The following CSMD2 variants were observed in gnomAD, a reference collection of about 807,000 sequenced individuals.
CSMD2 encodes the protein CUB and sushi domain-containing protein 2.
A neutral mutation model predicts 398.5 loss-of-function variants in CSMD2; 130 were observed. That is an observed-to-expected ratio of 0.33 (90% CI 0.28 to 0.38). The LOEUF (loss-of-function observed/expected upper bound fraction) is 0.38, where lower values mean the gene tolerates loss of function less well. CSMD2 is among the 10% of genes least tolerant of loss of function. The probability of loss-of-function intolerance (pLI) is 1.00; values close to 1 mark genes in which losing one functional copy is unlikely to be tolerated. For missense variants in CSMD2, 3,829 were observed against 4,764.9 expected (o/e 0.80, Z 5.78); for synonymous variants, 1,828 against 1,908.5 (o/e 0.96, Z 1.10).
At chr1:34,095,560 A>C (rs1351077481) in intron 1 of CSMD2, among the ~76,000 whole-genome samples, 1 of 152,098 alleles carries the variant, frequency 6.6e-6, no homozygotes, top group East Asian at 1.9e-4. Context: ...AGACGCAATA[A>C]AAAATGATAA....
At chr1:33,952,909 AGCCATATGTTTACT>A (rs1258514418) in intron 3 of CSMD2, among the ~76,000 whole-genome samples, 2 of 152,264 alleles carry the variant, frequency 1.3e-5, no homozygotes, top group East Asian at 3.8e-4. Flanking sequence ...TGAGATTGTC[AGCCATATGTTTACT>A]GAACTCACGT....
At chr1:33,659,685 C>T (rs565369413) in intron 26 of CSMD2, among the ~76,000 whole-genome samples, 49 of 152,246 alleles carry the variant, frequency 3.2e-4, no homozygotes, top group Admixed American at 1.0e-3. Context: ...AGGACATCAG[C>T]GGAAAAGTTT....
intron 2 of CSMD2, among the ~76,000 whole-genome samples, chr1:34,069,675 G>A (rs1249037736): frequency 6.6e-6 from 1 of 152,060 alleles, no homozygotes; most frequent in Non-Finnish European, 1.5e-5. Flanking sequence ...AGGCCATTAT[G>A]AGACACTCCC....
Position 34,163,061 on chromosome 1 carries a change from C to T in CSMD2, c.187+1850G>A, listed in dbSNP as rs888641864. 1.3e-5 allele frequency among the ~76,000 whole-genome samples: 2 copies of T among 152,202 alleles called. No homozygotes were observed. The highest frequency in any genetic ancestry group is 4.8e-5 in the African/African-American group (2 of 41,462). On this transcript the variant is annotated intron_variant, in intron 1 of 70. Transcript: ENST00000373381. The surrounding 1 kb of genome is among the most constrained non-coding windows in gnomAD (Gnocchi z 5.4). ...CAGCACCGCTGAGCGGTGCAAGCGC[C>T]GGTGAGTCGGCCTTTTTCTCTCCCC...
At chr1:34,005,437 G>C in intron 3 of CSMD2, among the ~76,000 whole-genome samples, 1 of 128,714 alleles carries the variant, frequency 7.8e-6, no homozygotes, top group East Asian at 2.0e-4. Flanking sequence ...GAACCAATCT[G>C]TGATTTATTT....
intron 9 of CSMD2, among the ~76,000 whole-genome samples, chr1:33,811,430 C>T (rs1466501503): frequency 6.6e-6 from 1 of 152,144 alleles, no homozygotes; most frequent in Non-Finnish European, 1.5e-5. Flanking sequence ...TTCAGGATAT[C>T]CTTGTCAAGG....
At chr1:33,882,215 A>C (rs1641283901) in intron 5 of CSMD2, 1 of 152,268 alleles carries the variant, frequency 6.6e-6, no homozygotes, top group African/African-American at 2.4e-5. Context: ...ACAGCTATGA[A>C]TGGAGAACTG....
chr1:34,117,931 C>A (rs1391308552), intron 1 of CSMD2, among the ~76,000 whole-genome samples: 1 of 152,086 alleles, frequency 6.6e-6, no homozygotes, highest in Middle Eastern at 3.2e-3. Context: ...AAACACTCAG[C>A]CAGGCGTGGT....
intron 3 of CSMD2, among the ~76,000 whole-genome samples, chr1:33,972,579 C>T (rs886219410): frequency 1.3e-5 from 2 of 151,988 alleles, no homozygotes; most frequent in Non-Finnish European, 2.9e-5. Context: ...GAGCTGTGAC[C>T]GTGGAAGTAG....
chr1:33,857,093 T>A (rs569582271), intron 5 of CSMD2, among the ~76,000 whole-genome samples: 1 of 152,222 alleles, frequency 6.6e-6, no homozygotes, highest in East Asian at 1.9e-4. Flanking sequence ...GGTTCAAGTA[T>A]CATCAGCTCT....
chr1:34,003,495 G>A lies in CSMD2; in HGVS notation c.517+29099C>T, dbSNP rs555552092. Among the ~76,000 whole-genome samples the A allele has an allele frequency of 9.2e-5, 14 of 152,280 alleles. 1 individual carries two copies. The highest frequency in any genetic ancestry group is 2.6e-4 in the Admixed American group (4 of 15,300). ...GGCGCTGAGGGATGATCCCTAATGGGTAATAATAATAGCTACCATTTATTG... is the reference window on the plus strand; with the variant it reads ...GGCGCTGAGGGATGATCCCTAATGGATAATAATAATAGCTACCATTTATTG... On this transcript the variant is annotated intron_variant, in intron 3 of 70. Transcript: ENST00000373381.
chr1:34,115,235 A>G (rs965330921), intron 1 of CSMD2, among the ~76,000 whole-genome samples: 4 of 152,152 alleles, frequency 2.6e-5, no homozygotes, highest in Admixed American at 2.6e-4. Flanking sequence ...GAAAATCAAA[A>G]TCCAAAGTAA....
intron 1 of CSMD2, among the ~76,000 whole-genome samples, chr1:34,162,174 C>CAA (rs35659871): frequency 0.018 from 865 of 46,914 alleles, 26 homozygotes; most frequent in African/African-American, 0.061. Flanking sequence ...AACTCCCTCT[C>CAA]AAAAAAAAAA....
In CSMD2 at chr1:33,935,875, G is replaced by A. The variant is rs762773761; in HGVS notation, c.597C>T (p.Asp199=). Residue 199 remains aspartate (D), a synonymous_variant, in exon 4 of 71, where the codon GAC becomes GAT. Coordinates refer to ENST00000373381, the MANE Select transcript of CSMD2 (RefSeq NM_001281956.2). ...IQQGSTFNLG[D]KVRYSCNLGF... is the part of the protein sequence containing the mutation. Reference sequence around the variant, plus strand: ...CAAGGTTGCAGCTGTAGCGGACCTTGTCACCGAGGTTGAAGGTTGAACCCT... The same window carrying A: ...CAAGGTTGCAGCTGTAGCGGACCTTATCACCGAGGTTGAAGGTTGAACCCT... The A allele has an allele frequency of 1.3e-5, 21 of 1,614,100 alleles. 1 individual carries two copies. In the East Asian group the frequency reaches 4.5e-4, roughly 34 times the overall value.
At chr1:33,689,419 A>T (rs570678892) in intron 25 of CSMD2, among the ~76,000 whole-genome samples, 4 of 152,202 alleles carry the variant, frequency 2.6e-5, no homozygotes, top group African/African-American at 9.6e-5. Context: ...TGGGATCCTC[A>T]GCATGCCCCC....
At chr1:33,552,583 T>C (rs2148634883) in intron 55 of CSMD2, among the ~76,000 whole-genome samples, 1 of 152,370 alleles carries the variant, frequency 6.6e-6, no homozygotes, top group Admixed American at 6.5e-5. Context: ...GGTATATTCA[T>C]ACCATGAAAT....
chr1:33,764,094 A>G (rs1459645192), intron 13 of CSMD2, among the ~76,000 whole-genome samples: 1 of 152,132 alleles, frequency 6.6e-6, no homozygotes, highest in South Asian at 2.1e-4. Flanking sequence ...TCCTTCCCCC[A>G]TAAAGTATCT....
chr1:33,915,271 A>C (rs1321248219), intron 5 of CSMD2, among the ~76,000 whole-genome samples: 1 of 152,242 alleles, frequency 6.6e-6, no homozygotes, highest in Non-Finnish European at 1.5e-5. Context: ...CAGTATACTC[A>C]TAAACCAGCA....
intron 1 of CSMD2, among the ~76,000 whole-genome samples, chr1:34,095,507 C>T (rs79425049): frequency 0.31 from 46,791 of 150,802 alleles, 7,404 homozygotes; most frequent in Admixed American, 0.38. Context: ...ATAGATAGAC[C>T]GCTAGCAAGA....
Sources: allele counts gnomAD v4.1 joint callset (sites outside exome capture counted in the v4.1 genomes callset), GRCh38; gene constraint gnomAD v4.1.1; non-coding constraint Gnocchi (gnomAD v3.1); transcripts MANE v1.5; gene names NCBI Gene and HGNC (gene_info 2026-07-23, HGNC 2026-07-21).